Variants in LRMDA observed in about 807,000 individuals in gnomAD.
LRMDA encodes leucine-rich melanocyte differentiation-associated protein.
In LRMDA, 18 loss-of-function variants were observed where a neutral mutation model predicts 29.8. The ratio of observed to expected loss-of-function variants is 0.60; its 90% CI spans 0.42 to 0.90. LRMDA has a LOEUF of 0.90. Among genes scored for constraint, LRMDA ranks in the 40% least tolerant of loss-of-function variants. The pLI is 0.00. For missense variants in LRMDA, 273 were observed against 273.9 expected, an observed-to-expected ratio of 1.00 and a Z score of 0.02; for synonymous variants, 125 against 109.4, an observed-to-expected ratio of 1.14 and a Z score of -0.89.
At chr10:76,193,737 A>G (rs187616078) in intron 5 of LRMDA, among the ~76,000 whole-genome samples, 159 of 152,254 alleles carry the variant, frequency 1.0e-3, no homozygotes, top group African/African-American at 3.7e-3. Context: ...AGTCACTGTG[A>G]TAGGCAGTGA....
intron 2 of LRMDA, among the ~76,000 whole-genome samples, chr10:75,596,590 G>A (rs1403024689): frequency 6.6e-6 from 1 of 152,000 alleles, no homozygotes; most frequent in African/African-American, 2.4e-5. Context: ...TGTTTATGGG[G>A]TACATAGTGA....
intron 5 of LRMDA, among the ~76,000 whole-genome samples, chr10:76,300,568 G>A (rs1468827820): frequency 6.6e-6 from 1 of 152,202 alleles, no homozygotes; most frequent in African/African-American, 2.4e-5. Flanking sequence ...CAGTGTAACA[G>A]GTTCTCTGTC....
At chr10:76,232,126 G>GAAT (rs1004933910) in intron 5 of LRMDA, among the ~76,000 whole-genome samples, 4 of 152,122 alleles carry the variant, frequency 2.6e-5, no homozygotes, top group African/African-American at 9.7e-5. Flanking sequence ...AAAGGAGTCT[G>GAAT]AATAATAATA....
At chr10:76,369,012 C>A (rs142239569) in intron 6 of LRMDA, among the ~76,000 whole-genome samples, 1 of 152,120 alleles carries the variant, frequency 6.6e-6, no homozygotes, top group East Asian at 1.9e-4. Flanking sequence ...GGGTGAGTCT[C>A]CTGAAGGCAG....
chr10:75,847,100 G>A (rs766608823), intron 2 of LRMDA, among the ~76,000 whole-genome samples: 1 of 152,052 alleles, frequency 6.6e-6, no homozygotes, highest in Non-Finnish European at 1.5e-5. Flanking sequence ...TCCTAGTTTC[G>A]AAATGTATTA....
intron 5 of LRMDA, among the ~76,000 whole-genome samples, chr10:76,302,444 T>C (rs1012193263): frequency 2.6e-5 from 4 of 152,236 alleles, no homozygotes; most frequent in Admixed American, 2.6e-4. Flanking sequence ...GTGAACACTT[T>C]AGTTGTGAGA....
Position 75,738,261 on chromosome 10 carries a change from G to A in LRMDA, c.132-297747G>A, listed in dbSNP as rs558575281. ...CCAAGGAGGTAGGGCCTTTGGTGGG[G>A]CTGGTGCTGGCCCCAAATCAGCTGC... On this transcript the variant is annotated intron_variant, in intron 2 of 6. Transcript: ENST00000611255. Among the ~76,000 whole-genome samples, 3 of 152,106 alleles carry A rather than the reference G, an allele frequency of 2.0e-5. No homozygotes were observed. In the East Asian group the frequency reaches 5.8e-4, roughly 29 times the overall value.
At chr10:75,642,364 C>T (rs1841464239) in intron 2 of LRMDA, 2 of 152,114 alleles carry the variant, frequency 1.3e-5, no homozygotes, top group African/African-American at 4.8e-5. Context: ...TTGATACTCT[C>T]CAAGCTGGAA....
chr10:75,834,188 T>C (rs1479239916), intron 2 of LRMDA, among the ~76,000 whole-genome samples: 1 of 152,206 alleles, frequency 6.6e-6, no homozygotes, highest in Non-Finnish European at 1.5e-5. Context: ...AAAAAACTTA[T>C]GGTATCCAAT....
chr10:76,057,199 C>G (rs1300120328), intron 4 of LRMDA, among the ~76,000 whole-genome samples: 1 of 152,188 alleles, frequency 6.6e-6, no homozygotes, highest in Non-Finnish European at 1.5e-5. Flanking sequence ...TTGCTCTGTG[C>G]TCCCATAACC....
At chr10:76,181,744 G>A (rs766062786) in intron 5 of LRMDA, among the ~76,000 whole-genome samples, 1 of 152,228 alleles carries the variant, frequency 6.6e-6, no homozygotes, top group Non-Finnish European at 1.5e-5. Context: ...AGGAGAATGA[G>A]AAGTTATAAA....
intron 2 of LRMDA, among the ~76,000 whole-genome samples, chr10:76,015,801 A>G (rs1255343025): frequency 6.6e-6 from 1 of 152,256 alleles, no homozygotes; most frequent in Non-Finnish European, 1.5e-5. Context: ...TAATCATTAA[A>G]TAGTATTAGC....
intron 2 of LRMDA, among the ~76,000 whole-genome samples, chr10:75,738,111 C>G (rs1161935828): frequency 6.6e-6 from 1 of 152,164 alleles, no homozygotes; most frequent in East Asian, 1.9e-4. Flanking sequence ...AACGCAGCCC[C>G]TTCCCCCATC....
chr10:75,564,563 A>T (rs898421837), intron 2 of LRMDA, among the ~76,000 whole-genome samples: 1 of 152,016 alleles, frequency 6.6e-6, no homozygotes, highest in African/African-American at 2.4e-5. Context: ...ACTGTCTGGC[A>T]CTCCCTAGTG....
intron 5 of LRMDA, among the ~76,000 whole-genome samples, chr10:76,170,203 C>T (rs963197865): frequency 1.3e-5 from 2 of 152,230 alleles, no homozygotes; most frequent in South Asian, 4.2e-4. Context: ...ATAAACTGGC[C>T]GCTCAATGTG....
At chr10:76,303,714 CTTTT>C (rs3066443) in intron 5 of LRMDA, among the ~76,000 whole-genome samples, 1 of 142,128 alleles carries the variant, frequency 7.0e-6, no homozygotes, top group Non-Finnish European at 1.5e-5. Flanking sequence ...GATTGCCACT[CTTTT>C]TTTTTTTTTT....
intron 2 of LRMDA, among the ~76,000 whole-genome samples, chr10:75,664,141 C>T (rs998452978): frequency 1.1e-4 from 17 of 152,184 alleles, no homozygotes; most frequent in Admixed American, 4.6e-4. Context: ...TGGTCTAGAT[C>T]GCTGACTCAT....
intron 2 of LRMDA, among the ~76,000 whole-genome samples, chr10:75,751,252 C>T (rs952593023): frequency 1.3e-5 from 2 of 151,914 alleles, no homozygotes; most frequent in Admixed American, 6.5e-5. Context: ...TGCAGTGAGC[C>T]GAGATGGCGG....
At chr10:75,971,428 C>T (rs768885196) in intron 2 of LRMDA, among the ~76,000 whole-genome samples, 1 of 152,174 alleles carries the variant, frequency 6.6e-6, no homozygotes, top group African/African-American at 2.4e-5. Context: ...CAGTTTCCCA[C>T]AATCTGATAC....
Sources: allele counts gnomAD v4.1 joint callset (sites outside exome capture counted in the v4.1 genomes callset), GRCh38; gene constraint gnomAD v4.1.1; transcripts MANE v1.5; gene names NCBI Gene and HGNC (gene_info 2026-07-23, HGNC 2026-07-21).